Variants in TMC5 observed in about 807,000 individuals in gnomAD.
TMC5 encodes the protein transmembrane channel like 5.
TMC5 carries 86 observed loss-of-function variants against 110.5 expected under a neutral mutation model. The ratio of observed to expected loss-of-function variants is 0.78; its 90% confidence interval spans 0.65 to 0.93. The LOEUF (loss-of-function observed/expected upper bound fraction) is 0.93, where lower values mean the gene tolerates loss of function less well. Among genes scored for constraint, TMC5 ranks in the 40% least tolerant of loss-of-function variants. The pLI is 0.00. For synonymous variants in TMC5, 455 were observed against 439.5 expected, an observed-to-expected ratio of 1.04 and a Z score of -0.44; for missense variants, 1,144 against 1,222.8, an observed-to-expected ratio of 0.94 and a Z score of 0.96.
chr16:19,491,497 G>A lies in TMC5; in HGVS notation c.2748-653G>A, dbSNP rs947934181. Among the ~76,000 whole-genome samples the A allele has an allele frequency of 4.0e-5, 6 of 151,802 alleles. No homozygotes were observed. The East Asian group carries it at 1.2e-3, about 29-fold the overall frequency. On this transcript the variant is annotated intron_variant, in intron 18 of 21. Transcript: ENST00000542583. ...CAAGACCCCATCACTGGGGGAAGGG[G>A]GGAAAGGTTATATATACTATCTTCT...
At chr16:19,477,548 T>G (rs760498461) in intron 13 of TMC5, 30 bp downstream of exon 13, 4 of 1,535,294 alleles carry the variant, frequency 2.6e-6, no homozygotes, top group Non-Finnish European at 3.5e-6. Context: ...TGCCTTAAGT[T>G]TGGTTTCTTA....
chr16:19,440,373 A>C lies in TMC5; in HGVS notation c.335A>C (p.Glu112Ala). The change falls in exon 3 of 22, where the codon GAA becomes GCA. Residue 112 changes from glutamate to alanine, a missense_variant. Glu to Ala is a moderately radical substitution (Grantham distance 107). Transcript: ENST00000542583. Reference protein sequence around the residue: ...PTSLPEPDYSEFQSHPYHRAS... With the variant: ...PTSLPEPDYSAFQSHPYHRAS... ...TCTCTACCAGAGCCAGATTATAGTG[A>C]ATTTCAGAGTCATCCCTACCACCGA... is the stretch of plus-strand genomic sequence containing the variant. 6.2e-7 allele frequency: 1 copy of C among 1,614,058 alleles called. No individual in the cohort carries two copies. Among genetic ancestry groups the C allele is most frequent in the Non-Finnish European group, 8.5e-7 (1 of 1,180,010 alleles).
chr16:19,491,847 C>CT (rs11291822), intron 18 of TMC5, among the ~76,000 whole-genome samples: 3,295 of 151,712 alleles, frequency 0.022, 110 homozygotes, highest in African/African-American at 0.074. Context: ...ATCTTAGGGA[C>CT]TTTTTTTTTA....
At chr16:19,490,691 C>T (rs990337732) in intron 18 of TMC5, 123 bp downstream of exon 18, 2 of 857,682 alleles carry the variant, frequency 2.3e-6, no homozygotes, top group Non-Finnish European at 1.8e-6. Flanking sequence ...GGTGACTCTA[C>T]CCTTGCATAG....
rs1555486840 is a variant in TMC5 at position 19,492,932 on chromosome 16, A to ATATC, written c.2826+705_2826+706insATCT. ...AAAACTTAGATATATATATATATAT[A>ATATC]TCTCTCTATAAGATAAATACTTTTA... On this transcript the variant is annotated intron_variant, in intron 19 of 21. Coordinates refer to ENST00000542583, the MANE Select transcript of TMC5 (RefSeq NM_001261841.2). Among the ~76,000 whole-genome samples, 9 of 99,912 alleles carry ATATC rather than the reference A, an allele frequency of 9.0e-5. 2 individuals are homozygous for ATATC. Among genetic ancestry groups the ATATC allele is most frequent in the Non-Finnish European group, 2.1e-4 (9 of 42,518 alleles). The allele number at this position is 99,912 out of a possible 152,430, so 65.5% of individuals were successfully genotyped here.
rs772857135 is a variant in TMC5 at position 19,498,019 on chromosome 16, GA to G, written c.*55del. 7 of 1,548,242 alleles carry G rather than the reference GA, an allele frequency of 4.5e-6. No individual in the cohort carries two copies. The South Asian group carries it at 7.8e-5, about 17-fold the overall frequency. Reference sequence around the variant, plus strand: ...CAAATAAGGGGAGGAGACGAAAATGGAATGATTTCTTCCATGCCACCTGTGC... The same window carrying G: ...CAAATAAGGGGAGGAGACGAAAATGGATGATTTCTTCCATGCCACCTGTGC... On this transcript the variant is annotated 3_prime_UTR_variant, in exon 22 of 22. Coordinates refer to ENST00000542583, the MANE Select transcript of TMC5 (RefSeq NM_001261841.2).
chr16:19,417,304 A>C (rs1966884457), upstream of TMC5, among the ~76,000 whole-genome samples: 1 of 151,014 alleles, frequency 6.6e-6, no homozygotes, highest in Admixed American at 6.6e-5. Context: ...CTGTGGTCCC[A>C]GCTGCTTGGG....
chr16:19,419,402 GTTTTTTTTTTTTT>G (rs55696911), intron 1 of TMC5, among the ~76,000 whole-genome samples: 1 of 65,646 alleles, frequency 1.5e-5, no homozygotes, highest in African/African-American at 5.9e-5. Flanking sequence ...GAATGTGTTG[GTTTTTTTTTTTTT>G]TTTTTTTTTT....
rs372227017 is a variant in TMC5 at position 19,456,293 on chromosome 16, T to C, written c.1049-3942T>C. 3.3e-5 allele frequency among the ~76,000 whole-genome samples: 5 copies of C among 150,458 alleles called. No individual in the cohort carries two copies. In the South Asian group the frequency reaches 8.3e-4, roughly 25 times the overall value. On this transcript the variant is annotated intron_variant, in intron 5 of 21. Transcript: ENST00000542583. ...TATGTATATTTAGAACATATATATATGTATATATATAAGTTCTAGGCCAGA... is the reference window on the plus strand; with the variant it reads ...TATGTATATTTAGAACATATATATACGTATATATATAAGTTCTAGGCCAGA...
intron 4 of TMC5, among the ~76,000 whole-genome samples, chr16:19,445,570 G>A (rs550529295): frequency 8.2e-4 from 124 of 151,852 alleles, no homozygotes; most frequent in African/African-American, 2.9e-3. Context: ...GGAGGAAAAA[G>A]AGACATGTTC....
intron 14 of TMC5, among the ~76,000 whole-genome samples, chr16:19,480,533 A>G (rs1397264641): frequency 6.6e-6 from 1 of 152,160 alleles, no homozygotes; most frequent in African/African-American, 2.4e-5. Flanking sequence ...GGCCGGGCAC[A>G]GTGACTCATA....
chr16:19,475,192 C>T (rs1968455917), intron 12 of TMC5, among the ~76,000 whole-genome samples: 1 of 152,156 alleles, frequency 6.6e-6, no homozygotes, highest in Non-Finnish European at 1.5e-5. Flanking sequence ...GAGGCCAAGG[C>T]AGGTGGATCA....
intron 5 of TMC5, among the ~76,000 whole-genome samples, chr16:19,459,122 T>C (rs1464759696): frequency 6.6e-6 from 1 of 151,826 alleles, no homozygotes; most frequent in African/African-American, 2.4e-5. Flanking sequence ...CATTGGCTAA[T>C]GCTGTGTCAC....
chr16:19,434,093 CTATAATATATATAT>C lies in TMC5; in HGVS notation c.-80+3458_-80+3471del, dbSNP rs1386352258. ...TATATTATATATAATATATATATAT[CTATAATATATATAT>C]TATATATATATCTATATATCTAAAA... On this transcript the variant is annotated intron_variant, in intron 2 of 21. Transcript: ENST00000542583. 9.4e-4 allele frequency among the ~76,000 whole-genome samples: 19 copies of C among 20,180 alleles called. 1 individual carries two copies. The highest frequency in any genetic ancestry group is 2.6e-3 in the South Asian group (1 of 382). The allele number at this position is 20,180 out of a possible 152,430, so 13.2% of individuals were successfully genotyped here. A position where few individuals can be genotyped will look rare whatever the true frequency, so the allele number is the denominator to read the frequency against.
intron 17 of TMC5, 143 bp from the exon 18 acceptor site, chr16:19,490,252 A>C: frequency 1.2e-6 from 1 of 801,820 alleles, no homozygotes; most frequent in Non-Finnish European, 2.0e-6. Flanking sequence ...TGAGAGCAAG[A>C]GGGTTTCTTT....
chr16:19,490,925 CT>C (rs1215606975), intron 18 of TMC5, among the ~76,000 whole-genome samples: 4 of 93,586 alleles, frequency 4.3e-5, no homozygotes, highest in African/African-American at 1.6e-4. Flanking sequence ...CCCCTTCTTT[CT>C]CCCTTCCCCT....
Position 19,474,262 on chromosome 16 carries a change from C to T in TMC5, c.2076C>T (p.Tyr692=), listed in dbSNP as rs1282669869. ...ERYEMPRHEV[Y]VLLIRNIFLK... is the part of the protein sequence containing the mutation. ...ACGAGATGCCACGGCACGAAGTCTA[C>T]GTTCTCCTGATCCGGTAGGTGATGT... is the stretch of plus-strand genomic sequence containing the variant. Residue 692 remains tyrosine, a synonymous_variant, in exon 12 of 22, where the codon TAC becomes TAT. Coordinates refer to ENST00000542583, the MANE Select transcript of TMC5 (RefSeq NM_001261841.2). The T allele has an allele frequency of 6.2e-6, 10 of 1,613,890 alleles. No individual in the cohort carries two copies. The highest frequency in any genetic ancestry group is 1.1e-5 in the South Asian group (1 of 91,030).
At chr16:19,417,306 C>T (rs1457075168), upstream of TMC5, among the ~76,000 whole-genome samples, 1 of 150,628 alleles carries the variant, frequency 6.6e-6, no homozygotes, top group East Asian at 2.0e-4. Flanking sequence ...GTGGTCCCAG[C>T]TGCTTGGGAG....
In TMC5 at chr16:19,412,582, G is replaced by C. The variant is rs188256859; in HGVS notation, c.-308+1406G>C. The stretch of plus-strand genomic sequence containing the variant: ...GGGCTTTCATCATGTTGGCCAGGCT[G>C]GTCTTGAACTCCTGACCTCAGTTGA... On this transcript the variant is annotated intron_variant, in intron 1 of 20. Transcript: ENST00000381414. Among the ~76,000 whole-genome samples the C allele has an allele frequency of 7.7e-4, 117 of 151,372 alleles. 2 individuals are homozygous for C. In the Middle Eastern group the frequency reaches 0.031, roughly 41 times the overall value.
Sources: allele counts gnomAD v4.1 joint callset (sites outside exome capture counted in the v4.1 genomes callset), GRCh38; gene constraint gnomAD v4.1.1; transcripts MANE v1.5; gene names NCBI Gene and HGNC (gene_info 2026-07-23, HGNC 2026-07-21).